ERMP1: variants seen among roughly 807,000 people sequenced by gnomAD.
ERMP1 encodes the protein endoplasmic reticulum metallopeptidase 1, also known as Felix-ina.
In ERMP1, 86 loss-of-function variants were observed where a neutral mutation model predicts 92.0. That is an observed-to-expected ratio of 0.93 (90% CI 0.79 to 1.12). ERMP1 has a LOEUF of 1.12. Among genes scored for constraint, ERMP1 ranks in the 50% most tolerant of loss-of-function variants. ERMP1 has a pLI of 0.00. For synonymous variants in ERMP1, 530 were observed against 412.8 expected, an observed-to-expected ratio of 1.28 and a Z score of -3.44; for missense variants, 1,342 against 1,116.3, an observed-to-expected ratio of 1.20 and a Z score of -2.88.
At chr9:5,845,019 C>A (rs1586836847) in intron 6 of ERMP1, among the ~76,000 whole-genome samples, 1 of 152,040 alleles carries the variant, frequency 6.6e-6, no homozygotes. Flanking sequence ...GGGAAAATGT[C>A]CCCCCACCCC....
intron 4 of ERMP1, among the ~76,000 whole-genome samples, chr9:5,818,260 G>A (rs1404225808): frequency 6.6e-6 from 1 of 152,108 alleles, no homozygotes; most frequent in Non-Finnish European, 1.5e-5. Context: ...CTAGCAGGTT[G>A]TGATAAAAGT....
intron 11 of ERMP1, among the ~76,000 whole-genome samples, 188 bp downstream of exon 11, chr9:5,800,988 T>C (rs1828647478): frequency 6.6e-6 from 1 of 152,226 alleles, no homozygotes; most frequent in South Asian, 2.1e-4. Flanking sequence ...CTGGGAGATA[T>C]ATGTCTAGCT....
At chr9:5,850,658 A>T (rs968217383) in intron 6 of ERMP1, among the ~76,000 whole-genome samples, 2 of 152,178 alleles carry the variant, frequency 1.3e-5, no homozygotes, top group Non-Finnish European at 2.9e-5. Context: ...AACAACAACA[A>T]CAAAAAATCC....
chr9:5,841,815 T>C (rs1362354131), intron 6 of ERMP1, among the ~76,000 whole-genome samples: 1 of 152,120 alleles, frequency 6.6e-6, no homozygotes, highest in Non-Finnish European at 1.5e-5. Context: ...AGAATGAAGC[T>C]GTGGACCCTC....
intron 5 of ERMP1, chr9:5,812,593 C>G: frequency 2.3e-6 from 1 of 437,694 alleles, no homozygotes; most frequent in Non-Finnish European, 4.1e-6. Context: ...GTTGGCAAAC[C>G]AAGACAACAA....
At chr9:5,851,261 T>C (rs1830304487) in intron 6 of ERMP1, among the ~76,000 whole-genome samples, 1 of 152,230 alleles carries the variant, frequency 6.6e-6, no homozygotes, top group Non-Finnish European at 1.5e-5. Flanking sequence ...TACAGCACCT[T>C]ATGGCATACA....
intron 6 of ERMP1, among the ~76,000 whole-genome samples, chr9:5,842,587 C>G (rs936225229): frequency 3.9e-5 from 6 of 152,154 alleles, no homozygotes; most frequent in African/African-American, 1.2e-4. Flanking sequence ...TCACCTCAAT[C>G]AGAAACAAAC....
intron 8 of ERMP1, among the ~76,000 whole-genome samples, chr9:5,806,284 T>A (rs1407730480): frequency 6.6e-5 from 10 of 152,192 alleles, no homozygotes; most frequent in Non-Finnish European, 1.0e-4. Flanking sequence ...CTATCTCCAG[T>A]TGGTCTTGTA....
intron 1 of ERMP1, 187 bp downstream of exon 1, chr9:5,832,503 C>T (rs1222611259): frequency 4.1e-6 from 2 of 492,958 alleles, no homozygotes; most frequent in African/African-American, 2.0e-5. Flanking sequence ...AGGCAAGCCC[C>T]AAGTCCCGGC....
intron 5 of ERMP1, among the ~76,000 whole-genome samples, chr9:5,863,729 T>C (rs939360227): frequency 6.6e-6 from 1 of 152,228 alleles, no homozygotes; most frequent in African/African-American, 2.4e-5. Flanking sequence ...CAATTTCCTA[T>C]TACAGAAGCT....
At chr9:5,820,011 G>A (rs1829469497) in intron 4 of ERMP1, among the ~76,000 whole-genome samples, 1 of 152,160 alleles carries the variant, frequency 6.6e-6, no homozygotes, top group South Asian at 2.1e-4. Flanking sequence ...TTCTAAAGAA[G>A]GCTACAGGCC....
intron 13 of ERMP1, among the ~76,000 whole-genome samples, chr9:5,794,323 T>C (rs1828325505): frequency 6.6e-6 from 1 of 152,106 alleles, no homozygotes; most frequent in African/African-American, 2.4e-5. Flanking sequence ...AATGAATGCA[T>C]ATATTAGAAA....
chr9:5,856,864 G>T (rs932776856), intron 6 of ERMP1, among the ~76,000 whole-genome samples: 1 of 152,022 alleles, frequency 6.6e-6, no homozygotes, highest in Non-Finnish European at 1.5e-5. Flanking sequence ...TGAACAAAAC[G>T]TATACATGGA....
At chr9:5,862,870 G>A (rs865817010) in intron 5 of ERMP1, among the ~76,000 whole-genome samples, 2 of 152,170 alleles carry the variant, frequency 1.3e-5, no homozygotes, top group Admixed American at 1.3e-4. Context: ...AAGACTGTGT[G>A]ACAATCCAAT....
At chr9:5,831,576 A>T (rs1829941077) in intron 1 of ERMP1, among the ~76,000 whole-genome samples, 1 of 152,206 alleles carries the variant, frequency 6.6e-6, no homozygotes, top group Non-Finnish European at 1.5e-5. Flanking sequence ...ACTGCACTCC[A>T]GCCTGGGCGA....
intron 4 of ERMP1, among the ~76,000 whole-genome samples, chr9:5,815,644 G>A (rs928049309): frequency 6.6e-6 from 1 of 152,070 alleles, no homozygotes; most frequent in African/African-American, 2.4e-5. Flanking sequence ...AGTCATCAAT[G>A]ATTGCTAAAA....
intron 6 of ERMP1, among the ~76,000 whole-genome samples, chr9:5,842,068 G>A (rs551176911): frequency 2.2e-4 from 33 of 152,094 alleles, no homozygotes; most frequent in East Asian, 5.8e-4. Flanking sequence ...AAGGTAGTGC[G>A]GACCCAAAGA....
intron 1 of ERMP1, among the ~76,000 whole-genome samples, chr9:5,831,904 G>T (rs1423179687): frequency 6.6e-6 from 1 of 152,034 alleles, no homozygotes; most frequent in Non-Finnish European, 1.5e-5. Flanking sequence ...GCTGGAAGTG[G>T]GGGTGGGAGA....
intron 13 of ERMP1, among the ~76,000 whole-genome samples, chr9:5,797,108 AG>A (rs1348276890): frequency 6.6e-6 from 1 of 152,124 alleles, no homozygotes; most frequent in Non-Finnish European, 1.5e-5. Context: ...TGGTGCTATC[AG>A]CCTTGACCTC....
Sources: allele counts gnomAD v4.1 joint callset (sites outside exome capture counted in the v4.1 genomes callset), GRCh38; gene constraint gnomAD v4.1.1; transcripts MANE v1.5; gene names NCBI Gene and HGNC (gene_info 2026-07-23, HGNC 2026-07-21).